The following HDAC9 variants were observed in gnomAD, a reference collection of about 807,000 sequenced individuals.
The protein encoded by HDAC9 is MEF-2 interacting transcription repressor (MITR) protein.
HDAC9 carries 41 observed loss-of-function variants against 139.4 expected under a neutral mutation model. The ratio of observed to expected loss-of-function variants is 0.29; its 90% CI spans 0.23 to 0.38. The LOEUF (loss-of-function observed/expected upper bound fraction) is 0.38. Ranked by LOEUF, HDAC9 falls within the 10% of genes least tolerant of loss-of-function variation. The pLI, the probability that HDAC9 is intolerant of heterozygous loss-of-function variation, is 1.00. For missense variants in HDAC9, 1,147 were observed against 1,297.0 expected, an observed-to-expected ratio of 0.88 and a Z score of 1.78; for synonymous variants, 517 against 476.2, an observed-to-expected ratio of 1.09 and a Z score of -1.12.
intron 22 of HDAC9, among the ~76,000 whole-genome samples, chr7:18,902,611 A>G (rs1431936048): frequency 6.6e-6 from 1 of 152,214 alleles, no homozygotes; most frequent in African/African-American, 2.4e-5. Flanking sequence ...AGCAACTGAA[A>G]CAATTGACAA....
At chr7:18,965,757 G>T (rs1783803119) in intron 24 of HDAC9, among the ~76,000 whole-genome samples, 3 of 152,186 alleles carry the variant, frequency 2.0e-5, no homozygotes, top group African/African-American at 7.2e-5. Context: ...GCTCCTGGGG[G>T]ACAATATGAC....
At chr7:18,902,288 G>A (rs1389300709) in intron 22 of HDAC9, among the ~76,000 whole-genome samples, 1 of 152,122 alleles carries the variant, frequency 6.6e-6, no homozygotes, top group Non-Finnish European at 1.5e-5. Flanking sequence ...CACTCCTGGG[G>A]CTGTTTAGTA....
In HDAC9 at chr7:18,244,698, T is replaced by G. The variant is rs1050795888; in HGVS notation, c.25+82349T>G. ...CTGTAGTCCCAGCTACTCGGGAGCC[T>G]GAGGCGGGAGAATGGCGTGAACCCG... On this transcript the variant is annotated intron_variant, in intron 2 of 12. Transcript: ENST00000417496. Among the ~76,000 whole-genome samples, 5 of 152,036 alleles carry G rather than the reference T, an allele frequency of 3.3e-5. No homozygotes were observed. The South Asian group carries it at 8.3e-4, about 25-fold the overall frequency.
At chr7:18,549,945 C>A (rs1816554265) in intron 2 of HDAC9, among the ~76,000 whole-genome samples, 1 of 144,000 alleles carries the variant, frequency 6.9e-6, no homozygotes, top group African/African-American at 2.5e-5. Context: ...CTCCCTAGTT[C>A]TTTTTTTTTT....
At chr7:18,168,897 TTG>T (rs1201294435) in intron 2 of HDAC9, among the ~76,000 whole-genome samples, 7,958 of 93,304 alleles carry the variant, frequency 0.085, 692 homozygotes, top group Non-Finnish European at 0.11. Flanking sequence ...TTTTTTTTTT[TTG>T]TGTGTGTGTG....
At chr7:18,839,334 C>A (rs562966306) in intron 21 of HDAC9, among the ~76,000 whole-genome samples, 1 of 152,132 alleles carries the variant, frequency 6.6e-6, no homozygotes, top group African/African-American at 2.4e-5. Context: ...ACTCTACAAT[C>A]TATGCTCCTT....
intron 21 of HDAC9, among the ~76,000 whole-genome samples, chr7:18,841,488 G>T (rs566489441): frequency 2.6e-5 from 4 of 152,052 alleles, no homozygotes; most frequent in African/African-American, 7.2e-5. Flanking sequence ...CTTGAGTTAG[G>T]TGCTTTTGTT....
intron 1 of HDAC9, among the ~76,000 whole-genome samples, chr7:18,154,612 A>G (rs1274007763): frequency 2.0e-5 from 3 of 152,236 alleles, no homozygotes; most frequent in African/African-American, 7.2e-5. Flanking sequence ...CAGAGAGGTT[A>G]ATTGACTTCC....
At chr7:18,355,354 T>G (rs928370208) in intron 1 of HDAC9, among the ~76,000 whole-genome samples, 4 of 152,142 alleles carry the variant, frequency 2.6e-5, no homozygotes, top group African/African-American at 9.7e-5. Flanking sequence ...GGAATCTTCA[T>G]TTTCAACATA....
At chr7:18,430,547 T>C (rs942261945) in intron 1 of HDAC9, 1 of 152,212 alleles carries the variant, frequency 6.6e-6, no homozygotes, top group Non-Finnish European at 1.5e-5. Context: ...TATAATTATC[T>C]ACACACATAC....
intron 17 of HDAC9, among the ~76,000 whole-genome samples, chr7:18,823,369 AT>A (rs1177533779): frequency 1.5e-4 from 23 of 152,196 alleles, no homozygotes; most frequent in South Asian, 2.1e-4. Context: ...CTATAGTATG[AT>A]TGCTGGGCAC....
chr7:18,860,687 G>A (rs147250596), intron 21 of HDAC9, among the ~76,000 whole-genome samples: 7 of 152,156 alleles, frequency 4.6e-5, no homozygotes, highest in African/African-American at 1.4e-4. Context: ...AAAGGAAGAC[G>A]GAAGAAAGGA....
At chr7:18,409,393 T>G (rs1239437463) in intron 1 of HDAC9, among the ~76,000 whole-genome samples, 1 of 151,908 alleles carries the variant, frequency 6.6e-6, no homozygotes, top group Non-Finnish European at 1.5e-5. Context: ...GGAATCTTTA[T>G]GGATCTCATT....
chr7:18,503,935 T>C (rs1333573782), intron 2 of HDAC9, among the ~76,000 whole-genome samples: 1 of 152,202 alleles, frequency 6.6e-6, no homozygotes, highest in Non-Finnish European at 1.5e-5. Context: ...TGAAACTTGA[T>C]ATTAAAAACA....
At chr7:18,549,910 C>T (rs1488300834) in intron 2 of HDAC9, among the ~76,000 whole-genome samples, 1 of 151,084 alleles carries the variant, frequency 6.6e-6, no homozygotes, top group Non-Finnish European at 1.5e-5. Flanking sequence ...GATTTTTTTT[C>T]TTCTTCCTCC....
At chr7:18,279,279 C>T (rs527515468) in intron 2 of HDAC9, among the ~76,000 whole-genome samples, 4 of 152,250 alleles carry the variant, frequency 2.6e-5, no homozygotes, top group East Asian at 1.9e-4. Flanking sequence ...CTGGCTTTTC[C>T]ACCACCAATT....
chr7:18,600,064 C>T (rs1376060080), intron 6 of HDAC9, among the ~76,000 whole-genome samples: 1 of 151,762 alleles, frequency 6.6e-6, no homozygotes, highest in Non-Finnish European at 1.5e-5. Context: ...ACAAGTGGTG[C>T]CAAGCATCTT....
At chr7:18,093,215 G>C (rs1050735464) in intron 1 of HDAC9, among the ~76,000 whole-genome samples, 3 of 152,172 alleles carry the variant, frequency 2.0e-5, no homozygotes, top group Non-Finnish European at 4.4e-5. Context: ...TCCCCTGGCA[G>C]GTGTGTGGAG....
At chr7:18,234,560 C>T (rs571792170) in intron 2 of HDAC9, among the ~76,000 whole-genome samples, 1 of 152,314 alleles carries the variant, frequency 6.6e-6, no homozygotes, top group African/African-American at 2.4e-5. Flanking sequence ...AATATGCCAT[C>T]GTTTTGCAGA....
Sources: gnomAD v4.1 joint callset for allele counts (sites outside exome capture counted in the v4.1 genomes callset) on GRCh38, gnomAD v4.1.1 for gene constraint, MANE v1.5 for transcripts, NCBI Gene and HGNC (gene_info 2026-07-23, HGNC 2026-07-21) for gene names.